Variants in BLOC1S2 observed in about 807,000 individuals in gnomAD.
BLOC1S2 encodes the protein biogenesis of lysosomal organelles complex 1 subunit 2.
In BLOC1S2, 12 loss-of-function variants were observed where a neutral mutation model predicts 19.6. The ratio of observed to expected loss-of-function variants is 0.61; its 90% CI spans 0.39 to 0.99. The LOEUF is 0.99. Among genes scored for constraint, BLOC1S2 ranks in the 50% least tolerant of loss-of-function variants. The pLI, the probability that BLOC1S2 is intolerant of heterozygous loss-of-function variation, is 0.00. For missense variants in BLOC1S2, 142 were observed against 171.0 expected, an observed-to-expected ratio of 0.83 and a Z score of 0.95; for synonymous variants, 66 against 64.1, an observed-to-expected ratio of 1.03 and a Z score of -0.14.
At chr10:100,281,711 T>TACACACACACACAC (rs71013439) in intron 2 of BLOC1S2, among the ~76,000 whole-genome samples, 1,748 of 132,466 alleles carry the variant, frequency 0.013, 30 homozygotes, top group East Asian at 0.039. Context: ...TATATACACA[T>TACACACACACACAC]ACACACACAC....
intron 2 of BLOC1S2, among the ~76,000 whole-genome samples, chr10:100,284,281 G>A (rs187286201): frequency 7.9e-5 from 12 of 152,308 alleles, no homozygotes; most frequent in African/African-American, 2.9e-4. Flanking sequence ...GGCTAGTAGC[G>A]CCAAATCTTT....
intron 4 of BLOC1S2, chr10:100,279,893 C>G (rs1287928299): frequency 1.0e-5 from 3 of 285,760 alleles, no homozygotes; most frequent in Non-Finnish European, 1.9e-5. Flanking sequence ...AAAAAACAAA[C>G]CAAAAACAAA....
chr10:100,283,624 AC>A (rs2134364784), intron 2 of BLOC1S2, among the ~76,000 whole-genome samples: 1 of 152,260 alleles, frequency 6.6e-6, no homozygotes, highest in South Asian at 2.1e-4. Flanking sequence ...TAATCCCAGC[AC>A]TTTGGGAGGC....
rs1347605598 is a variant in BLOC1S2 at position 100,281,056 on chromosome 10, TGAAAATTAAACA to T, written c.173-15_173-4del. ...GAGCTTATAGTCTTCACTGGTGGCT[TGAAAATTAAACA>T]GAAGATGTAATGTCTTTAAGATTTG... On this transcript the variant is annotated splice_polypyrimidine_tract_variant and splice_region_variant and intron_variant, in intron 2 of 4. Transcript: ENST00000370372. 1 of 1,611,998 alleles carries T rather than the reference TGAAAATTAAACA, an allele frequency of 6.2e-7. No homozygotes were observed. Among genetic ancestry groups the T allele is most frequent in the Admixed American group, 1.7e-5 (1 of 59,644 alleles).
intron 2 of BLOC1S2, 45 bp downstream of exon 2, chr10:100,286,052 C>T (rs1848226202): frequency 1.9e-6 from 3 of 1,606,716 alleles, no homozygotes; most frequent in African/African-American, 1.3e-5. Context: ...TCTCCCAGGC[C>T]TCCTGGGCCA....
At chr10:100,279,470 C>A (rs772262630) in intron 4 of BLOC1S2, among the ~76,000 whole-genome samples, 1 of 152,136 alleles carries the variant, frequency 6.6e-6, no homozygotes, top group Non-Finnish European at 1.5e-5. Context: ...TGTGGTGGCT[C>A]ACACCTATAA....
At chr10:100,286,028 G>C in intron 2 of BLOC1S2, 69 bp downstream of exon 2, 3 of 1,578,300 alleles carry the variant, frequency 1.9e-6, no homozygotes, top group Non-Finnish European at 2.6e-6. Flanking sequence ...GCTGCAGACT[G>C]ATGCTGCTAA....
chr10:100,286,042 TCTCCCAGGC>T, intron 2 of BLOC1S2, 46 bp downstream of exon 2: 1 of 1,597,366 alleles, frequency 6.3e-7, no homozygotes, highest in Non-Finnish European at 8.5e-7. Context: ...CTGCTAACCA[TCTCCCAGGC>T]CTCCTGGGCC....
intron 1 of BLOC1S2, 74 bp downstream of exon 1, chr10:100,286,531 C>T (rs1283036822): frequency 6.6e-5 from 105 of 1,586,194 alleles, no homozygotes; most frequent in Non-Finnish European, 8.7e-5. Flanking sequence ...AGCCACCACA[C>T]ACTCAACCTC....
chr10:100,275,251 A>AT lies in BLOC1S2; in HGVS notation c.*210dup. 2.0e-6 allele frequency: 1 copy of AT among 495,080 alleles called. No homozygotes were observed. The allele number at this position is 495,080 out of a possible 1,614,324, so 30.7% of individuals were successfully genotyped here. A position where few individuals can be genotyped will look rare whatever the true frequency, so the allele number is the denominator to read the frequency against. ...GCATTCAAGTAAAAGGTAGGAAGTT[A>AT]TAAGTGTGAGATTCTGAGGGATTCT... On this transcript the variant is annotated 3_prime_UTR_variant, in exon 5 of 5. Transcript: ENST00000370372.
At chr10:100,286,566 C>T (rs1357920664) in intron 1 of BLOC1S2, 39 bp downstream of exon 1, 1 of 1,610,490 alleles carries the variant, frequency 6.2e-7, no homozygotes, top group East Asian at 2.2e-5. Context: ...GAGCCCCAGG[C>T]CCCCCACCGG....
At chr10:100,277,048 G>T (rs61871340) in intron 4 of BLOC1S2, among the ~76,000 whole-genome samples, 1 of 150,446 alleles carries the variant, frequency 6.6e-6, no homozygotes, top group Admixed American at 6.6e-5. Context: ...CATCCCACCT[G>T]GGAAGTGAGG....
At chr10:100,280,374 G>A (rs976334896) in intron 3 of BLOC1S2, 146 bp from the exon 4 acceptor site, 6 of 649,272 alleles carry the variant, frequency 9.2e-6, no homozygotes, top group Non-Finnish European at 1.5e-5. Flanking sequence ...CACTAGCAGG[G>A]CAGATGCTTT....
intron 4 of BLOC1S2, among the ~76,000 whole-genome samples, chr10:100,279,522 C>T (rs1211107109): frequency 6.6e-6 from 1 of 152,036 alleles, no homozygotes; most frequent in Non-Finnish European, 1.5e-5. Context: ...ATCACGAGGT[C>T]AGGAGTTCAA....
intron 4 of BLOC1S2, among the ~76,000 whole-genome samples, chr10:100,276,349 G>A (rs1472719218): frequency 0.21 from 8,441 of 39,642 alleles, 1,665 homozygotes; most frequent in Middle Eastern, 0.31. Context: ...TCCCTCTCCC[G>A]TCTCCCTCTC....
At chr10:100,281,261 C>G (rs1311887584) in intron 2 of BLOC1S2, among the ~76,000 whole-genome samples, 1 of 152,080 alleles carries the variant, frequency 6.6e-6, no homozygotes, top group Admixed American at 6.6e-5. Flanking sequence ...CTATTTAAAC[C>G]AAACAAGATC....
At position 100,273,993 on chromosome 10, in the gene BLOC1S2, G is replaced by A. The variant is rs552909499; in HGVS notation, c.*1469C>T. Reference sequence around the variant, plus strand: ...TAAATAGGGGCCTTATGTTAGGCACGGTGGTTCATGCCTACAATCTCAGCA... The same window carrying A: ...TAAATAGGGGCCTTATGTTAGGCACAGTGGTTCATGCCTACAATCTCAGCA... On this transcript the variant is annotated 3_prime_UTR_variant, in exon 5 of 5. Transcript: ENST00000370372. 4 of 152,172 alleles carry A rather than the reference G, an allele frequency of 2.6e-5. No homozygotes were observed. The highest frequency in any genetic ancestry group is 7.2e-5 in the African/African-American group (3 of 41,530). 9.4% of individuals were successfully genotyped at this position (152,172 alleles called of 1,614,324 possible).
Position 100,286,649 on chromosome 10 carries a change from G to A in BLOC1S2, c.11C>T (p.Ala4Val), listed in dbSNP as rs373514982. 838 of 1,609,602 alleles carry A rather than the reference G, an allele frequency of 5.2e-4. 1 individual carries two copies. The highest frequency in any genetic ancestry group is 6.7e-4 in the Non-Finnish European group (792 of 1,178,280). The change falls in exon 1 of 5, where the codon GCA becomes GTA. Residue 4 changes from alanine to valine, a missense_variant. Ala to Val is a moderately conservative substitution (Grantham distance 64). This residue lies in a region of BLOC1S2 where 48 missense variants were observed against 29.7 expected (regional missense o/e 1.61). Transcript: ENST00000370372. MAA[A>V]AEGVLATRSD... ...CCGGGTCGCCAGTACGCCCTCGGCT[G>A]CCGCCGCCATAGCGGACCCCGCGCT... is the stretch of plus-strand genomic sequence containing the variant.
At chr10:100,281,092 T>G (rs202066032) in intron 2 of BLOC1S2, 39 bp from the exon 3 acceptor site, 25 of 1,605,588 alleles carry the variant, frequency 1.6e-5, no homozygotes, top group Non-Finnish European at 2.1e-5. Flanking sequence ...CTTTAAGATT[T>G]GTCTTAAATC....
Sources: gnomAD v4.1 joint callset for allele counts (sites outside exome capture counted in the v4.1 genomes callset) on GRCh38, gnomAD v4.1.1 for gene constraint, gnomAD v4.1.1 regional missense constraint, MANE v1.5 for transcripts, NCBI Gene and HGNC (gene_info 2026-07-23, HGNC 2026-07-21) for gene names.